The following PEX14 variants were observed in gnomAD, a reference collection of about 807,000 sequenced individuals.
PEX14 encodes peroxisomal membrane protein PEX14.
Under a neutral mutation model 49.5 loss-of-function variants are expected in PEX14, and 15 were observed. The ratio of observed to expected loss-of-function variants is 0.30; its 90% confidence interval spans 0.20 to 0.47. The LOEUF is 0.47. Among genes scored for constraint, PEX14 ranks in the 20% least tolerant of loss-of-function variants. The probability of loss-of-function intolerance (pLI) is 1.00; values close to 1 mark genes in which losing one functional copy is unlikely to be tolerated. For missense variants in PEX14, 398 were observed against 494.8 expected (o/e 0.80, Z 1.86); for synonymous variants, 210 against 212.7 (o/e 0.99, Z 0.11).
chr1:10,594,628 G>A (rs577693736), intron 3 of PEX14, among the ~76,000 whole-genome samples: 2 of 152,348 alleles, frequency 1.3e-5, no homozygotes, highest in African/African-American at 4.8e-5. Context: ...GAACACTGCT[G>A]TCTTCTGTCA....
rs377186401 is a variant in PEX14, at chr1:10,594,371, T to C, written c.170-4867T>C. On this transcript the variant is annotated intron_variant, in intron 3 of 8. Coordinates refer to ENST00000356607, the MANE Select transcript of PEX14 (RefSeq NM_004565.3). The stretch of plus-strand genomic sequence containing the variant: ...TCAGTGTCCATGAGTCCCAGATGAA[T>C]TGGCCAAGTCCTAGAAATAGAGGGG... Among the ~76,000 whole-genome samples the C allele has an allele frequency of 1.5e-3, 230 of 152,252 alleles. 6 individuals carry two copies. The South Asian group carries it at 0.044, about 29-fold the overall frequency.
chr1:10,553,216 C>A (rs578155028), intron 3 of PEX14, among the ~76,000 whole-genome samples: 1 of 152,272 alleles, frequency 6.6e-6, no homozygotes, highest in South Asian at 2.1e-4. Context: ...GAAGCAGAAT[C>A]TCCTGGGAAT....
At chr1:10,590,041 G>GGAGCCTGGGCCTGGGGTCC (rs1553194029) in intron 3 of PEX14, among the ~76,000 whole-genome samples, 1 of 152,222 alleles carries the variant, frequency 6.6e-6, no homozygotes, top group East Asian at 1.9e-4. Flanking sequence ...GTAGTGCTGA[G>GGAGCCTGGGCCTGGGGTCC]GAGCCTGGGC....
chr1:10,536,156 C>A, intron 2 of PEX14, 57 bp from the exon 3 acceptor site: 1 of 1,072,136 alleles, frequency 9.3e-7, no homozygotes, highest in Non-Finnish European at 1.5e-6. Flanking sequence ...GATTTTTAAT[C>A]TTGAAATTCA....
chr1:10,503,965 C>G lies in PEX14; in HGVS notation c.84+8644C>G, dbSNP rs1392927141. ...GCCAGGCTGGTCTCAAACTCTTGGC[C>G]TCAAATGATCCACCCGCCTCGGCCT... On this transcript the variant is annotated intron_variant, in intron 2 of 8. Transcript: ENST00000356607. Among the ~76,000 whole-genome samples the G allele has an allele frequency of 3.3e-5, 5 of 152,222 alleles. No homozygotes were observed. In the East Asian group the frequency reaches 7.7e-4, roughly 24 times the overall value.
intron 1 of PEX14, among the ~76,000 whole-genome samples, chr1:10,491,879 C>T (rs993701979): frequency 1.3e-5 from 2 of 151,968 alleles, no homozygotes; most frequent in Non-Finnish European, 2.9e-5. Context: ...GACGGGGTTT[C>T]GCCATGTTGG....
chr1:10,596,712 C>G (rs1461631578), intron 3 of PEX14, among the ~76,000 whole-genome samples: 31 of 151,956 alleles, frequency 2.0e-4, no homozygotes, highest in Admixed American at 2.0e-3. Flanking sequence ...AGGGCAGTGA[C>G]TGGGATAATG....
intron 1 of PEX14, among the ~76,000 whole-genome samples, chr1:10,486,585 G>A (rs929236345): frequency 5.3e-5 from 8 of 151,860 alleles, no homozygotes; most frequent in Non-Finnish European, 5.9e-5. Context: ...GGGAGGCTGA[G>A]GCAGGAGGAT....
At chr1:10,583,008 A>G (rs998419710) in intron 3 of PEX14, among the ~76,000 whole-genome samples, 1 of 151,822 alleles carries the variant, frequency 6.6e-6, no homozygotes, top group African/African-American at 2.4e-5. Context: ...AAGTGCTGGG[A>G]TTACAGCCAT....
intron 4 of PEX14, among the ~76,000 whole-genome samples, chr1:10,612,531 G>A (rs1641302248): frequency 1.3e-5 from 2 of 152,260 alleles, no homozygotes; most frequent in Non-Finnish European, 1.5e-5. Context: ...GGCTACTGTG[G>A]TGCCTTTTGC....
At chr1:10,527,025 C>G (rs1428772660) in intron 2 of PEX14, among the ~76,000 whole-genome samples, 3 of 151,938 alleles carry the variant, frequency 2.0e-5, no homozygotes, top group African/African-American at 7.3e-5. Flanking sequence ...ACCCGCCTGG[C>G]CAACATGGTG....
chr1:10,566,807 G>A (rs945672101), intron 3 of PEX14, among the ~76,000 whole-genome samples: 1 of 151,936 alleles, frequency 6.6e-6, no homozygotes, highest in Admixed American at 6.6e-5. Context: ...GTGAGCCACC[G>A]CTCCTGGCCA....
intron 4 of PEX14, among the ~76,000 whole-genome samples, chr1:10,605,089 A>G (rs1224278369): frequency 6.6e-6 from 1 of 152,004 alleles, no homozygotes; most frequent in Non-Finnish European, 1.5e-5. Context: ...TGTCTCCCCT[A>G]TTAAACTGTG....
At chr1:10,562,805 G>A (rs909997766) in intron 3 of PEX14, among the ~76,000 whole-genome samples, 3 of 152,114 alleles carry the variant, frequency 2.0e-5, no homozygotes, top group Non-Finnish European at 4.4e-5. Flanking sequence ...TCAGCTTCAT[G>A]AACATTGCTA....
chr1:10,545,375 G>T (rs1025868025), intron 3 of PEX14, among the ~76,000 whole-genome samples: 2 of 152,158 alleles, frequency 1.3e-5, no homozygotes, highest in Non-Finnish European at 2.9e-5. Flanking sequence ...CATATAATAG[G>T]TGTGTGTTTA....
rs1638805301 is a variant in PEX14, at chr1:10,536,426, G to GGGCTGA, written c.169+133_169+138dup. 4 of 717,012 alleles carry GGGCTGA rather than the reference G, an allele frequency of 5.6e-6. No homozygotes were observed. The African/African-American group carries it at 7.0e-5, about 13-fold the overall frequency. 44.4% of individuals were successfully genotyped at this position (717,012 alleles called of 1,614,324 possible). A position where few individuals can be genotyped will look rare whatever the true frequency, so the allele number is the denominator to read the frequency against. On this transcript the variant is annotated intron_variant, in intron 3 of 8. Coordinates refer to ENST00000356607, the MANE Select transcript of PEX14 (RefSeq NM_004565.3). ...AGAGCTGCCCACTCATGGGGCAGTG[G>GGGCTGA]GGCTGAGGCGAACCCCCCAGTGGGG...
rs1006896746 is a variant in PEX14 at position 10,597,135 on chromosome 1, A to G, written c.170-2103A>G. 6.6e-6 allele frequency among the ~76,000 whole-genome samples: 1 copy of G among 152,264 alleles called. No homozygotes were observed. The highest frequency in any genetic ancestry group is 6.5e-5 in the Admixed American group (1 of 15,288). On this transcript the variant is annotated intron_variant, in intron 3 of 8. Coordinates refer to ENST00000356607, the MANE Select transcript of PEX14 (RefSeq NM_004565.3). This position sits in a 1 kb window ranked among gnomAD's most constrained non-coding sequence, Gnocchi z 5.7. ...GTGTTAAACATTATTGTACTTGTTT[A>G]TATTTGAAAGAGCCAAAAGGGAAAA...
chr1:10,530,084 C>G (rs1357270477), intron 2 of PEX14, among the ~76,000 whole-genome samples: 5 of 152,172 alleles, frequency 3.3e-5, no homozygotes, highest in African/African-American at 4.8e-5. Context: ...TTTCCCTTCT[C>G]CTTTCCTCCC....
chr1:10,480,328 A>C (rs1570125651), intron 1 of PEX14, among the ~76,000 whole-genome samples: 1 of 143,404 alleles, frequency 7.0e-6, no homozygotes. Context: ...CTCCTGCTTC[A>C]CCTGCCTCAG....
Sources: allele counts gnomAD v4.1 joint callset (sites outside exome capture counted in the v4.1 genomes callset), GRCh38; gene constraint gnomAD v4.1.1; non-coding constraint Gnocchi (gnomAD v3.1); transcripts MANE v1.5; gene names NCBI Gene and HGNC (gene_info 2026-07-23, HGNC 2026-07-21).